RRAGD: variants seen among roughly 807,000 people sequenced by gnomAD.
RRAGD encodes ras-related GTP-binding protein D.
RRAGD carries 12 observed loss-of-function variants against 35.5 expected under a neutral mutation model. The observed-to-expected ratio is 0.34, with a 90% CI of 0.22 to 0.55. The LOEUF is 0.55. RRAGD is among the 20% of genes least tolerant of loss of function. The pLI, the probability that RRAGD is intolerant of heterozygous loss-of-function variation, is 0.91. For synonymous variants in RRAGD, 155 were observed against 178.9 expected, an observed-to-expected ratio of 0.87 and a Z score of 1.07; for missense variants, 324 against 490.1, an observed-to-expected ratio of 0.66 and a Z score of 3.20.
chr6:89,382,808 G>A (rs566334522), intron 2 of RRAGD, among the ~76,000 whole-genome samples: 6 of 151,914 alleles, frequency 3.9e-5, no homozygotes, highest in Middle Eastern at 3.4e-3. Flanking sequence ...CCTGGGAGGC[G>A]GAGGTTGCAG....
chr6:89,403,161 G>A (rs1054290038), intron 1 of RRAGD, among the ~76,000 whole-genome samples: 14 of 152,148 alleles, frequency 9.2e-5, no homozygotes, highest in Admixed American at 2.0e-4. Context: ...AAAACTGTCG[G>A]CCGGGCGCGG....
intron 1 of RRAGD, among the ~76,000 whole-genome samples, chr6:89,393,732 A>G (rs1769280344): frequency 6.6e-6 from 1 of 152,262 alleles, no homozygotes; most frequent in South Asian, 2.1e-4. Context: ...CAACAAATGT[A>G]AGAATGTACA....
chr6:89,391,685 G>A (rs550567054), intron 1 of RRAGD, among the ~76,000 whole-genome samples: 56 of 152,212 alleles, frequency 3.7e-4, no homozygotes, highest in African/African-American at 1.3e-3. Context: ...AGGCATGGTG[G>A]CTCACACCTG....
Position 89,367,940 on chromosome 6 carries a change from T to TA in RRAGD, c.*115dup, listed in dbSNP as rs1768782979. The TA allele has an allele frequency of 1.4e-5, 14 of 983,876 alleles. No homozygotes were observed. In the South Asian group the frequency reaches 4.1e-4, roughly 29 times the overall value. 60.9% of individuals were successfully genotyped at this position (983,876 alleles called of 1,614,324 possible). On this transcript the variant is annotated 3_prime_UTR_variant, in exon 7 of 7. Coordinates refer to ENST00000369415, the MANE Select transcript of RRAGD (RefSeq NM_021244.5). ...GAGGGTTGCAGGAATTTTTTTTTTT[T>TA]AACAACAAATCAATGGTATGTGTCC...
At chr6:89,397,603 C>CA (rs552825275) in intron 1 of RRAGD, among the ~76,000 whole-genome samples, 6,284 of 112,790 alleles carry the variant, frequency 0.056, 464 homozygotes, top group African/African-American at 0.19. Flanking sequence ...GACTCCGTCT[C>CA]AAAAAAAAAA....
intron 6 of RRAGD, among the ~76,000 whole-genome samples, chr6:89,370,258 G>A (rs2127883644): frequency 6.6e-6 from 1 of 152,234 alleles, no homozygotes; most frequent in Non-Finnish European, 1.5e-5. Flanking sequence ...ATGAAAATAA[G>A]GAGTAAAAGA....
chr6:89,392,257 T>C (rs1769250210), intron 1 of RRAGD, among the ~76,000 whole-genome samples: 1 of 152,092 alleles, frequency 6.6e-6, no homozygotes, highest in Non-Finnish European at 1.5e-5. Flanking sequence ...GAGGATCACC[T>C]GAGGCCAGGA....
chr6:89,382,549 T>C (rs1408076748), intron 2 of RRAGD, among the ~76,000 whole-genome samples: 1 of 151,716 alleles, frequency 6.6e-6, no homozygotes, highest in Non-Finnish European at 1.5e-5. Context: ...CACTCCAACC[T>C]AGGTAACAGA....
In RRAGD at chr6:89,387,287, AG is replaced by A. The variant is rs1769153061; in HGVS notation, c.444+7del. The stretch of plus-strand genomic sequence containing the variant: ...AGGCCATCATACCCCTGAGACTCTG[AG>A]CTTTACCTGTGAGTCAATGACAAAT... On this transcript the variant is annotated splice_region_variant and intron_variant, in intron 2 of 6. Transcript: ENST00000369415. 1 of 1,611,242 alleles carries A rather than the reference AG, an allele frequency of 6.2e-7. No individual in the cohort carries two copies. The highest frequency in any genetic ancestry group is 8.5e-7 in the Non-Finnish European group (1 of 1,177,798).
At chr6:89,397,561 G>A (rs1325355565) in intron 1 of RRAGD, among the ~76,000 whole-genome samples, 2 of 150,122 alleles carry the variant, frequency 1.3e-5, no homozygotes, top group Non-Finnish European at 3.0e-5. Flanking sequence ...CCGAGATCGC[G>A]CCACTGCACT....
intron 1 of RRAGD, among the ~76,000 whole-genome samples, chr6:89,397,598 C>A (rs563196344): frequency 2.7e-5 from 4 of 146,734 alleles, no homozygotes; most frequent in African/African-American, 1.0e-4. Context: ...AGCGAGACTC[C>A]GTCTCAAAAA....
Position 89,412,267 on chromosome 6 carries a change from A to AGAG in RRAGD, c.-277_-275dup, listed in dbSNP as rs1473196456. The AGAG allele has an allele frequency of 4.3e-6, 1 of 232,458 alleles. No individual in the cohort carries two copies. Among genetic ancestry groups the AGAG allele is most frequent in the Non-Finnish European group, 8.2e-6 (1 of 122,168 alleles). The allele number at this position is 232,458 out of a possible 1,614,324, so 14.4% of individuals were successfully genotyped here. A position where few individuals can be genotyped will look rare whatever the true frequency, so the allele number is the denominator to read the frequency against. On this transcript the variant is annotated 5_prime_UTR_variant, in exon 1 of 7. Transcript: ENST00000369415. This position sits in a 1 kb window ranked among gnomAD's most constrained non-coding sequence, Gnocchi z 4.2. ...TTCCTCCCGGAGGAGGGAGAGAGAGAGAGACTGCGTGACCCGAGTCACCTG... is the reference window on the plus strand; with the variant it reads ...TTCCTCCCGGAGGAGGGAGAGAGAGAGAGGAGACTGCGTGACCCGAGTCACCTG...
chr6:89,411,765 G>A lies in RRAGD; in HGVS notation c.148+81C>T. 2.1e-6 allele frequency: 3 copies of A among 1,443,026 alleles called. No homozygotes were observed. The South Asian group carries it at 3.9e-5, about 19-fold the overall frequency. 89.4% of individuals were successfully genotyped at this position (1,443,026 alleles called of 1,614,324 possible). ...TGGACCCCCTCCAAGTCGGTGGCTC[G>A]CGCACGGCCGGGCTGGGGGCGGGAA... On this transcript the variant is annotated intron_variant, in intron 1 of 6. Coordinates refer to ENST00000369415, the MANE Select transcript of RRAGD (RefSeq NM_021244.5). The surrounding 1 kb of genome is among the most constrained non-coding windows in gnomAD (Gnocchi z 5.6).
At chr6:89,406,070 C>T (rs185585948) in intron 1 of RRAGD, among the ~76,000 whole-genome samples, 143 of 152,190 alleles carry the variant, frequency 9.4e-4, no homozygotes, top group Non-Finnish European at 1.6e-3. Context: ...TTTTATTTAG[C>T]GTGAAAACTA....
chr6:89,402,038 A>ATTGTTTTTTTT (rs1769477014), intron 1 of RRAGD, among the ~76,000 whole-genome samples: 1 of 78,440 alleles, frequency 1.3e-5, no homozygotes, highest in Non-Finnish European at 2.2e-5. Context: ...AATCCTAAGG[A>ATTGTTTTTTTT]TTTTTTTTTT....
chr6:89,396,005 A>G (rs1194960840), intron 1 of RRAGD, among the ~76,000 whole-genome samples: 3 of 152,138 alleles, frequency 2.0e-5, no homozygotes, highest in African/African-American at 7.2e-5. Flanking sequence ...TCAACTCAAA[A>G]TTGGTCTTGG....
rs1768970716 is a variant in RRAGD, at chr6:89,377,678, T to C, written c.895A>G (p.Ile299Val). 1 of 1,590,734 alleles carries C rather than the reference T, an allele frequency of 6.3e-7. No individual in the cohort carries two copies. The highest frequency in any genetic ancestry group is 8.5e-7 in the Non-Finnish European group (1 of 1,172,174). ...TAAGAATGTTGTACTTACCCATAAA[T>C]ACAAGAGATGTCAATAACCACATCT... ...MIDVVIDISC[I>V]YGLKEDGAGT... Residue 299 changes from isoleucine to valine, a missense_variant, in exon 5 of 7, where the codon ATT becomes GTT. Physicochemically the swap from Ile to Val is conservative, Grantham distance 29. This residue lies in a region of RRAGD where 152 missense variants were observed against 296.9 expected (regional missense o/e 0.51). Coordinates refer to ENST00000369415, the MANE Select transcript of RRAGD (RefSeq NM_021244.5).
intron 1 of RRAGD, among the ~76,000 whole-genome samples, chr6:89,403,627 CTTTTTTTT>C (rs10715442): frequency 1.7e-5 from 2 of 116,496 alleles, no homozygotes; most frequent in East Asian, 2.4e-4. Flanking sequence ...TTTTCTTTTT[CTTTTTTTT>C]TTTTTTTTTT....
At chr6:89,382,665 G>A (rs1008046331) in intron 2 of RRAGD, among the ~76,000 whole-genome samples, 3 of 151,868 alleles carry the variant, frequency 2.0e-5, no homozygotes, top group Non-Finnish European at 4.4e-5. Context: ...CACGAGGTCA[G>A]GAGTTCGAGA....
Sources: gnomAD v4.1 joint callset for allele counts (sites outside exome capture counted in the v4.1 genomes callset) on GRCh38, gnomAD v4.1.1 for gene constraint, gnomAD v4.1.1 regional missense constraint, Gnocchi (gnomAD v3.1) non-coding constraint, MANE v1.5 for transcripts, NCBI Gene and HGNC (gene_info 2026-07-23, HGNC 2026-07-21) for gene names.